GNG12: variants seen among roughly 807,000 people sequenced by gnomAD.
GNG12 encodes the protein guanine nucleotide-binding protein G(I)/G(S)/G(O) subunit gamma-12.
For synonymous variants in GNG12, 28 were observed against 29.7 expected (o/e 0.94, Z 0.19); for missense variants, 69 against 83.8 (o/e 0.82, Z 0.69).
At chr1:67,768,236 A>T (rs1646653162) in intron 2 of GNG12, among the ~76,000 whole-genome samples, 1 of 152,236 alleles carries the variant, frequency 6.6e-6, no homozygotes, top group Non-Finnish European at 1.5e-5. Flanking sequence ...TTATTGATGC[A>T]GAAATTGAGG....
chr1:67,708,002 A>G (rs1444063629), intron 2 of GNG12, among the ~76,000 whole-genome samples: 1 of 152,224 alleles, frequency 6.6e-6, no homozygotes, highest in African/African-American at 2.4e-5. Flanking sequence ...AGGATTTCCT[A>G]AGAGGAAACA....
chr1:67,714,620 G>C (rs1003020217), intron 2 of GNG12, among the ~76,000 whole-genome samples: 1 of 152,160 alleles, frequency 6.6e-6, no homozygotes. Flanking sequence ...ACTGGAGCCA[G>C]GCAGCAGTTC....
intron 1 of GNG12, 62 bp downstream of exon 1, chr1:67,833,282 G>T: frequency 1.6e-6 from 1 of 620,674 alleles, no homozygotes; most frequent in Non-Finnish European, 2.0e-6. Flanking sequence ...CCGACGCCCC[G>T]CGCCGCGCCC....
At chr1:67,713,376 G>A (rs1170621653) in intron 2 of GNG12, among the ~76,000 whole-genome samples, 1 of 152,196 alleles carries the variant, frequency 6.6e-6, no homozygotes, top group Non-Finnish European at 1.5e-5. Context: ...TGGTTTTAAT[G>A]CTGTGTTTCA....
chr1:67,803,794 A>G (rs572381092), intron 1 of GNG12, among the ~76,000 whole-genome samples: 1 of 152,376 alleles, frequency 6.6e-6, no homozygotes, highest in South Asian at 2.1e-4. Context: ...TTTAATTATC[A>G]TAACCATGAG....
intron 1 of GNG12, among the ~76,000 whole-genome samples, chr1:67,817,085 C>T (rs1340760138): frequency 6.6e-6 from 1 of 152,162 alleles, no homozygotes; most frequent in Non-Finnish European, 1.5e-5. Flanking sequence ...AAAAAGGCCA[C>T]TGAATTCAAC....
intron 2 of GNG12, among the ~76,000 whole-genome samples, chr1:67,716,193 T>C (rs899938394): frequency 5.3e-5 from 8 of 152,104 alleles, no homozygotes; most frequent in Non-Finnish European, 1.2e-4. Flanking sequence ...GAAGTTTACA[T>C]AGGTTCACAA....
At chr1:67,781,688 G>A (rs896912549) in intron 1 of GNG12, among the ~76,000 whole-genome samples, 1 of 152,136 alleles carries the variant, frequency 6.6e-6, no homozygotes, top group African/African-American at 2.4e-5. Flanking sequence ...TTGTTCAGGT[G>A]AGATATGGTA....
intron 1 of GNG12, among the ~76,000 whole-genome samples, chr1:67,784,877 C>T (rs958681748): frequency 1.3e-5 from 2 of 152,104 alleles, no homozygotes; most frequent in Non-Finnish European, 2.9e-5. Context: ...TTGATTGTGT[C>T]TCAAAGTCAA....
chr1:67,802,904 T>C (rs879523305), intron 1 of GNG12, among the ~76,000 whole-genome samples: 6 of 152,194 alleles, frequency 3.9e-5, no homozygotes, highest in East Asian at 1.9e-4. Flanking sequence ...TGTTGTATGG[T>C]TGATGAAGCC....
At chr1:67,789,208 G>A (rs1432350454) in intron 1 of GNG12, among the ~76,000 whole-genome samples, 1 of 152,164 alleles carries the variant, frequency 6.6e-6, no homozygotes, top group Non-Finnish European at 1.5e-5. Flanking sequence ...GATTCAAAAG[G>A]CATCCCCCCA....
intron 1 of GNG12, among the ~76,000 whole-genome samples, chr1:67,829,170 G>A (rs1301806076): frequency 6.6e-6 from 1 of 152,124 alleles, no homozygotes; most frequent in Non-Finnish European, 1.5e-5. Flanking sequence ...TTTCTTCTAG[G>A]CTTTTCTTAT....
chr1:67,812,629 A>G (rs1646932507), intron 1 of GNG12, among the ~76,000 whole-genome samples: 1 of 152,252 alleles, frequency 6.6e-6, no homozygotes, highest in Non-Finnish European at 1.5e-5. Flanking sequence ...ATTCGAAAAG[A>G]AGGCCTCTCA....
In GNG12 at chr1:67,807,188, A is replaced by G. The variant is rs187380459; in HGVS notation, c.-77+26156T>C. On this transcript the variant is annotated intron_variant, in intron 1 of 3. Transcript: ENST00000370982. ...ATTAAACAACACACTTCTATAAAAT[A>G]CATGAGTCAAGGAAGAAATCTGAAA... is the stretch of plus-strand genomic sequence containing the variant. Among the ~76,000 whole-genome samples the G allele has an allele frequency of 3.1e-3, 478 of 152,302 alleles. 3 individuals are homozygous for G. The highest frequency in any genetic ancestry group is 0.011 in the African/African-American group (467 of 41,592).
intron 1 of GNG12, among the ~76,000 whole-genome samples, chr1:67,818,407 C>T (rs1009163756): frequency 3.0e-5 from 4 of 135,446 alleles, no homozygotes; most frequent in Admixed American, 1.5e-4. Context: ...TGGGGAAAGA[C>T]CAGGGGTTTT....
At chr1:67,761,171 G>A (rs1485000973) in intron 2 of GNG12, among the ~76,000 whole-genome samples, 1 of 152,208 alleles carries the variant, frequency 6.6e-6, no homozygotes, top group Non-Finnish European at 1.5e-5. Context: ...CAAGAGTCTA[G>A]TGTTCCCTCT....
intron 2 of GNG12, among the ~76,000 whole-genome samples, chr1:67,765,694 C>T (rs935990410): frequency 6.6e-6 from 1 of 152,210 alleles, no homozygotes; most frequent in Admixed American, 6.5e-5. Flanking sequence ...ACTACCTAGT[C>T]AACCTGTGAC....
At chr1:67,724,161 A>C in intron 2 of GNG12, among the ~76,000 whole-genome samples, 1 of 152,126 alleles carries the variant, frequency 6.6e-6, no homozygotes, top group Middle Eastern at 3.4e-3. Context: ...AGAGGAGGAG[A>C]GTTGAGAAAC....
chr1:67,770,984 TG>T (rs919093731), intron 2 of GNG12, among the ~76,000 whole-genome samples: 5 of 151,830 alleles, frequency 3.3e-5, no homozygotes, highest in Non-Finnish European at 7.4e-5. Context: ...GTGTGCGTGC[TG>T]AGAGAGAGTG....
Sources: allele counts gnomAD v4.1 joint callset (sites outside exome capture counted in the v4.1 genomes callset), GRCh38; gene constraint gnomAD v4.1.1; transcripts MANE v1.5; gene names NCBI Gene and HGNC (gene_info 2026-07-23, HGNC 2026-07-21).